The following SOX5 variants were observed in gnomAD, a reference collection of about 807,000 sequenced individuals.
SOX5 encodes the protein SRY-box transcription factor 5.
SOX5 carries 9 observed loss-of-function variants against 92.0 expected under a neutral mutation model. The ratio of observed to expected loss-of-function variants is 0.10; its 90% CI spans 0.06 to 0.17. The LOEUF (loss-of-function observed/expected upper bound fraction) is 0.17. Ranked by LOEUF, SOX5 falls within the 10% of genes least tolerant of loss-of-function variation. The pLI is 1.00. For missense variants in SOX5, 642 were observed against 944.5 expected, an observed-to-expected ratio of 0.68 and a Z score of 4.20; for synonymous variants, 344 against 336.3, an observed-to-expected ratio of 1.02 and a Z score of -0.25.
rs933887206 is a variant in SOX5 at position 23,533,280 on chromosome 12, A to AT, written c.*938dup. ...ACACACAAAAATCCAAGATCAGAAA[A>AT]TATTTTTCTCTAAATTTCTTATGTC... On this transcript the variant is annotated 3_prime_UTR_variant, in exon 15 of 15. Transcript: ENST00000451604. 4.9e-6 allele frequency: 2 copies of AT among 407,440 alleles called. No homozygotes were observed. The highest frequency in any genetic ancestry group is 1.0e-5 in the Non-Finnish European group (2 of 195,078). The allele number at this position is 407,440 out of a possible 1,614,324, so 25.2% of individuals were successfully genotyped here.
chr12:24,513,439 C>G (rs1949505657), intron 1 of SOX5, among the ~76,000 whole-genome samples: 1 of 152,148 alleles, frequency 6.6e-6, no homozygotes, highest in African/African-American at 2.4e-5. Flanking sequence ...AATGAAACTT[C>G]TTGTTTGTAA....
At chr12:23,881,528 T>C (rs548511714) in intron 2 of SOX5, among the ~76,000 whole-genome samples, 2 of 152,302 alleles carry the variant, frequency 1.3e-5, no homozygotes, top group South Asian at 2.1e-4. Flanking sequence ...AGATAATCCA[T>C]TGATCCCACT....
intron 1 of SOX5, among the ~76,000 whole-genome samples, chr12:24,538,507 G>C (rs1427122039): frequency 6.6e-6 from 1 of 151,640 alleles, no homozygotes; most frequent in East Asian, 1.9e-4. Flanking sequence ...GGTCAGATCA[G>C]AACACTTTGT....
intron 3 of SOX5, among the ~76,000 whole-genome samples, chr12:24,242,693 C>T (rs1257326842): frequency 4.5e-5 from 6 of 133,250 alleles, no homozygotes; most frequent in Non-Finnish European, 9.2e-5. Context: ...GAAGATCATT[C>T]TGAGTGCTAA....
chr12:23,807,134 A>G (rs1265184917), intron 3 of SOX5, among the ~76,000 whole-genome samples: 1 of 152,180 alleles, frequency 6.6e-6, no homozygotes, highest in Admixed American at 6.5e-5. Context: ...ATTTTATGTG[A>G]CATCAATTTA....
intron 3 of SOX5, among the ~76,000 whole-genome samples, chr12:23,803,246 C>A (rs1280913532): frequency 6.6e-6 from 1 of 152,118 alleles, no homozygotes; most frequent in African/African-American, 2.4e-5. Context: ...CTCAGTATGG[C>A]CCACTGTTAC....
intron 8 of SOX5, among the ~76,000 whole-genome samples, chr12:23,615,511 T>C (rs1370517238): frequency 6.6e-6 from 1 of 152,120 alleles, no homozygotes; most frequent in African/African-American, 2.4e-5. Flanking sequence ...ATTCTCTACC[T>C]TCAAATAGGC....
At chr12:24,405,120 A>G (rs1020378215) in intron 1 of SOX5, among the ~76,000 whole-genome samples, 1 of 152,098 alleles carries the variant, frequency 6.6e-6, no homozygotes, top group South Asian at 2.1e-4. Flanking sequence ...TGGGACGATC[A>G]ATTTCTGTTG....
At chr12:23,594,703 T>TG (rs1952087354) in intron 9 of SOX5, among the ~76,000 whole-genome samples, 2 of 152,152 alleles carry the variant, frequency 1.3e-5, no homozygotes, top group Admixed American at 6.5e-5. Flanking sequence ...GTCCTGAACA[T>TG]GAAAAAATCC....
chr12:24,069,497 C>T (rs7966621), intron 4 of SOX5, among the ~76,000 whole-genome samples: 30,851 of 152,094 alleles, frequency 0.2, 3,526 homozygotes, highest in Middle Eastern at 0.34. Flanking sequence ...GAAGAACAGA[C>T]TTCAGCATTA....
At chr12:24,528,763 T>A (rs1038246416) in intron 1 of SOX5, among the ~76,000 whole-genome samples, 3 of 152,172 alleles carry the variant, frequency 2.0e-5, no homozygotes, top group Admixed American at 1.3e-4. Flanking sequence ...AGAGGAAGCA[T>A]TTATAGGCTA....
intron 2 of SOX5, among the ~76,000 whole-genome samples, chr12:24,350,408 G>A (rs555896535): frequency 7.9e-5 from 12 of 152,272 alleles, no homozygotes; most frequent in African/African-American, 1.9e-4. Context: ...TGGAGTGCAC[G>A]ATCACAGCTC....
chr12:23,739,655 T>C lies in SOX5; in HGVS notation c.741+1212A>G, dbSNP rs558409817. ...CTCCCAAAGATCTACCCTTAGTTCC[T>C]TTCTGCTTTCTTGTAATATTACCAC... On this transcript the variant is annotated intron_variant, in intron 5 of 14. Coordinates refer to ENST00000451604, the MANE Select transcript of SOX5 (RefSeq NM_006940.6). 6.6e-5 allele frequency among the ~76,000 whole-genome samples: 10 copies of C among 152,300 alleles called. No individual in the cohort carries two copies. In the East Asian group the frequency reaches 1.9e-3, roughly 29 times the overall value.
At chr12:24,396,389 T>A (rs140864443) in intron 1 of SOX5, among the ~76,000 whole-genome samples, 2 of 152,366 alleles carry the variant, frequency 1.3e-5, no homozygotes, top group Non-Finnish European at 2.9e-5. Context: ...GAAACTGATG[T>A]TGTTGTCACT....
intron 2 of SOX5, among the ~76,000 whole-genome samples, chr12:23,880,843 C>A (rs532041280): frequency 1.3e-5 from 2 of 152,246 alleles, no homozygotes; most frequent in South Asian, 4.1e-4. Context: ...TGTAGAATAA[C>A]ATAAGATTAA....
chr12:24,219,766 T>C (rs150639982), intron 3 of SOX5, among the ~76,000 whole-genome samples: 57 of 152,254 alleles, frequency 3.7e-4, no homozygotes, highest in African/African-American at 1.3e-3. Flanking sequence ...TTGAGTTAAA[T>C]TGGGGATTTG....
intron 3 of SOX5, among the ~76,000 whole-genome samples, chr12:24,247,325 T>G (rs1939021830): frequency 6.6e-6 from 1 of 152,094 alleles, no homozygotes; most frequent in Admixed American, 6.5e-5. Flanking sequence ...GGTTGGATAA[T>G]AAAGAACCCT....
At chr12:23,919,082 G>A (rs1418935905) in intron 1 of SOX5, among the ~76,000 whole-genome samples, 1 of 152,136 alleles carries the variant, frequency 6.6e-6, no homozygotes, top group East Asian at 1.9e-4. Context: ...ATATCAATGA[G>A]TAATGAAGAT....
At chr12:23,861,290 A>C (rs918944859) in intron 2 of SOX5, among the ~76,000 whole-genome samples, 2 of 152,158 alleles carry the variant, frequency 1.3e-5, no homozygotes, top group Non-Finnish European at 2.9e-5. Flanking sequence ...TCAATATAAA[A>C]AAAGTTTTTC....
Sources: allele counts gnomAD v4.1 joint callset (sites outside exome capture counted in the v4.1 genomes callset), GRCh38; gene constraint gnomAD v4.1.1; transcripts MANE v1.5; gene names NCBI Gene and HGNC (gene_info 2026-07-23, HGNC 2026-07-21).